OSTC: variants seen among roughly 807,000 people sequenced by gnomAD.
OSTC encodes the protein oligosaccharyltransferase complex non-catalytic subunit, also known as oligosaccharyltransferase complex subunit OSTC.
A neutral mutation model predicts 16.4 loss-of-function variants in OSTC; 16 were observed. The ratio of observed to expected loss-of-function variants is 0.98; its 90% CI spans 0.66 to 1.49. OSTC has a LOEUF of 1.49. OSTC is among the 40% of genes most tolerant of loss of function. OSTC has a pLI of 0.00. For synonymous variants in OSTC, 67 were observed against 68.5 expected (o/e 0.98, Z 0.11); for missense variants, 139 against 186.3 (o/e 0.75, Z 1.48).
At chr4:108,655,525 A>T in intron 1 of OSTC, 39 bp from the exon 2 acceptor site, 1 of 1,277,556 alleles carries the variant, frequency 7.8e-7, no homozygotes, top group Non-Finnish European at 1.1e-6. Flanking sequence ...TTCAAAAATT[A>T]GTAATACAAT....
intron 3 of OSTC, among the ~76,000 whole-genome samples, chr4:108,660,202 G>A (rs1043671954): frequency 6.6e-6 from 1 of 152,196 alleles, no homozygotes; most frequent in Admixed American, 6.5e-5. Flanking sequence ...CTGGGTTTCG[G>A]TTGTAGATTA....
At chr4:108,660,694 A>G (rs1009198397) in intron 3 of OSTC, among the ~76,000 whole-genome samples, 1 of 152,212 alleles carries the variant, frequency 6.6e-6, no homozygotes, top group Non-Finnish European at 1.5e-5. Flanking sequence ...TGGCTGTATC[A>G]TAAGATGCAC....
At chr4:108,650,883 G>C (rs1726515738) in intron 1 of OSTC, 89 bp downstream of exon 1, 5 of 1,572,954 alleles carry the variant, frequency 3.2e-6, no homozygotes, top group Non-Finnish European at 4.3e-6. Context: ...TCTCAGCCCC[G>C]GGGGAAGCAT....
At chr4:108,656,493 C>T (rs1344681736) in intron 2 of OSTC, among the ~76,000 whole-genome samples, 1 of 151,376 alleles carries the variant, frequency 6.6e-6, no homozygotes. Flanking sequence ...TTACATATGC[C>T]TATGTATAAT....
At chr4:108,656,477 C>T (rs890172248) in intron 2 of OSTC, among the ~76,000 whole-genome samples, 3 of 151,150 alleles carry the variant, frequency 2.0e-5, no homozygotes, top group African/African-American at 4.9e-5. Flanking sequence ...AAAAAAAATA[C>T]CCTGTTTACA....
intron 3 of OSTC, among the ~76,000 whole-genome samples, chr4:108,662,834 T>C (rs1578342339): frequency 6.6e-6 from 1 of 152,200 alleles, no homozygotes; most frequent in Admixed American, 6.5e-5. Flanking sequence ...AAAGCTGATA[T>C]CCGAGGTTCA....
rs554115013 is a variant in OSTC at position 108,656,171 on chromosome 4, G to T, written c.233+514G>T. 7.9e-5 allele frequency among the ~76,000 whole-genome samples: 12 copies of T among 152,198 alleles called. No homozygotes were observed. The South Asian group carries it at 1.9e-3, about 24-fold the overall frequency. On this transcript the variant is annotated intron_variant, in intron 2 of 3. Transcript: ENST00000361564. Reference sequence around the variant, plus strand: ...CAAAAGTATTTTTGAGACTTTGAGGGTTCTGTTTCATCAGTGAAACCCCGT... The same window carrying T: ...CAAAAGTATTTTTGAGACTTTGAGGTTTCTGTTTCATCAGTGAAACCCCGT...
rs1039462135 is a variant in OSTC at position 108,659,916 on chromosome 4, G to T, written c.431+2269G>T. ...ACCTACTGTTTTCATTCTACATAGT[G>T]TTTTCCTTCTTTATAGTTTTACGTC... is the stretch of plus-strand genomic sequence containing the variant. On this transcript the variant is annotated intron_variant, in intron 3 of 3. Transcript: ENST00000361564. Among the ~76,000 whole-genome samples, 5 of 152,156 alleles carry T rather than the reference G, an allele frequency of 3.3e-5. 1 individual carries two copies. The highest frequency in any genetic ancestry group is 4.1e-4 in the South Asian group (2 of 4,824).
intron 3 of OSTC, 68 bp from the exon 4 acceptor site, chr4:108,667,179 A>C: frequency 7.6e-7 from 1 of 1,320,464 alleles, no homozygotes; most frequent in Non-Finnish European, 1.1e-6. Flanking sequence ...ATTTTGAAAT[A>C]CTATGATAAT....
At chr4:108,653,311 G>C (rs896370748) in intron 1 of OSTC, among the ~76,000 whole-genome samples, 1 of 152,194 alleles carries the variant, frequency 6.6e-6, no homozygotes, top group African/African-American at 2.4e-5. Flanking sequence ...AAAGGGAGTT[G>C]GAAGCATCAT....
At chr4:108,656,583 T>TCACACACA (rs56269935) in intron 2 of OSTC, among the ~76,000 whole-genome samples, 36 of 151,206 alleles carry the variant, frequency 2.4e-4, no homozygotes, top group Admixed American at 1.4e-3. Flanking sequence ...CCTAGAAAAA[T>TCACACACA]CACACACACA....
chr4:108,656,396 C>T (rs1380729889), intron 2 of OSTC, among the ~76,000 whole-genome samples: 1 of 150,072 alleles, frequency 6.7e-6, no homozygotes. Context: ...ATAGTGCCCT[C>T]TTTCACACTG....
chr4:108,657,314 T>G (rs1215865692), intron 2 of OSTC, 136 bp from the exon 3 acceptor site: 5 of 710,426 alleles, frequency 7.0e-6, no homozygotes, highest in African/African-American at 1.8e-5. Flanking sequence ...TCCAGAGGTA[T>G]AGTAAAATAG....
rs778993011 is a variant in OSTC, at chr4:108,650,607, G to C, written c.-49G>C. The C allele has an allele frequency of 1.2e-6, 2 of 1,605,288 alleles. No homozygotes were observed. The highest frequency in any genetic ancestry group is 8.5e-7 in the Non-Finnish European group (1 of 1,174,502). On this transcript the variant is annotated 5_prime_UTR_variant, in exon 1 of 4. Coordinates refer to ENST00000361564, the MANE Select transcript of OSTC (RefSeq NM_021227.4). ...TGTTAGGGAGGGCGGGCCTGTTTCCGGGAGGCGCGTGGGGCTTGAGGCCGA... is the reference window on the plus strand; with the variant it reads ...TGTTAGGGAGGGCGGGCCTGTTTCCCGGAGGCGCGTGGGGCTTGAGGCCGA...
intron 1 of OSTC, among the ~76,000 whole-genome samples, chr4:108,651,931 G>A (rs1472707023): frequency 6.6e-6 from 1 of 152,026 alleles, no homozygotes; most frequent in South Asian, 2.1e-4. Flanking sequence ...ATTAACTTAC[G>A]TTCATTTAAA....
Position 108,665,730 on chromosome 4 carries a change from T to G in OSTC, c.432-1517T>G, listed in dbSNP as rs539051300. Reference sequence around the variant, plus strand: ...GTCTGTCACCACGCCCAGCTAATTTTTGTAGTTTTAGTAGAGGTGGGTTTT... The same window carrying G: ...GTCTGTCACCACGCCCAGCTAATTTGTGTAGTTTTAGTAGAGGTGGGTTTT... On this transcript the variant is annotated intron_variant, in intron 3 of 3. Coordinates refer to ENST00000361564, the MANE Select transcript of OSTC (RefSeq NM_021227.4). 5.9e-5 allele frequency among the ~76,000 whole-genome samples: 9 copies of G among 152,104 alleles called. No homozygotes were observed. In the South Asian group the frequency reaches 1.5e-3, roughly 25 times the overall value.
At chr4:108,653,056 C>G (rs1203348476) in intron 1 of OSTC, among the ~76,000 whole-genome samples, 2 of 151,888 alleles carry the variant, frequency 1.3e-5, no homozygotes, top group Non-Finnish European at 2.9e-5. Context: ...AAAAACAAAC[C>G]CCAAAATTAG....
At chr4:108,665,445 CTTT>C (rs371138600) in intron 3 of OSTC, among the ~76,000 whole-genome samples, 3 of 114,126 alleles carry the variant, frequency 2.6e-5, no homozygotes, top group Admixed American at 1.9e-4. Context: ...TGTTGTAAAC[CTTT>C]TTTTTTTTTT....
intron 1 of OSTC, 118 bp from the exon 2 acceptor site, chr4:108,655,446 G>A (rs564220947): frequency 5.2e-5 from 30 of 582,436 alleles, no homozygotes; most frequent in South Asian, 5.0e-4. Flanking sequence ...CAACCTGGGC[G>A]ACAGAGTGAG....
Sources: gnomAD v4.1 joint callset for allele counts (sites outside exome capture counted in the v4.1 genomes callset) on GRCh38, gnomAD v4.1.1 for gene constraint, MANE v1.5 for transcripts, NCBI Gene and HGNC (gene_info 2026-07-23, HGNC 2026-07-21) for gene names.